POLA1: variants seen among roughly 807,000 people sequenced by gnomAD.
The protein encoded by POLA1 is DNA polymerase alpha 1, catalytic subunit.
Under a neutral mutation model 124.0 loss-of-function variants are expected in POLA1, and 15 were observed. That is an observed-to-expected ratio of 0.12 (90% confidence interval 0.08 to 0.19). The LOEUF (loss-of-function observed/expected upper bound fraction) is 0.19, where lower values mean the gene tolerates loss of function less well. POLA1 is among the 10% of genes least tolerant of loss of function. The probability of loss-of-function intolerance (pLI) is 1.00; values close to 1 mark genes in which losing one functional copy is unlikely to be tolerated. For missense variants in POLA1, 886 were observed against 1,103.4 expected (o/e 0.80, Z 2.79); for synonymous variants, 408 against 389.4 (o/e 1.05, Z -0.56).
chrX:24,729,052 T>C (rs1206165014), intron 15 of POLA1, among the ~76,000 whole-genome samples: 1 of 112,339 alleles, frequency 8.9e-6, no homozygotes, highest in Non-Finnish European at 1.9e-5. Flanking sequence ...AAGCTGCTAT[T>C]AGTTGACAAA....
chrX:24,924,063 C>T (rs1200116595), intron 35 of POLA1, among the ~76,000 whole-genome samples: 1 of 111,940 alleles, frequency 8.9e-6, no homozygotes, highest in Admixed American at 9.5e-5. Flanking sequence ...AAGAGACACT[C>T]ATGTTCAAGA....
chrX:24,803,184 T>C (rs1396129803), intron 26 of POLA1, among the ~76,000 whole-genome samples: 1 of 111,078 alleles, frequency 9.0e-6, no homozygotes, highest in Non-Finnish European at 1.9e-5. Flanking sequence ...GAGAAAACGC[T>C]GTCATCAGTG....
intron 4 of POLA1, among the ~76,000 whole-genome samples, chrX:24,704,796 C>T (rs952612214): frequency 8.9e-6 from 1 of 111,887 alleles, no homozygotes; most frequent in African/African-American, 3.2e-5. Flanking sequence ...TTTTTAATTC[C>T]TACTGAAGTT....
chrX:24,808,250 G>A (rs1378514692), intron 26 of POLA1, among the ~76,000 whole-genome samples: 3 of 111,835 alleles, frequency 2.7e-5, no homozygotes, highest in Non-Finnish European at 5.6e-5. Context: ...CCACCGTGAT[G>A]GTTGCCACTG....
At chrX:24,704,242 C>A (rs749432230) in intron 3 of POLA1, 147 bp from the exon 4 acceptor site, 82 of 478,181 alleles carry the variant, frequency 1.7e-4, no homozygotes, top group Admixed American at 3.5e-4. Context: ...TTGTCTGACA[C>A]CTGTGTGAAC....
At chrX:24,728,710 CAATT>C (rs1395602994) in intron 15 of POLA1, among the ~76,000 whole-genome samples, 1 of 111,924 alleles carries the variant, frequency 8.9e-6, no homozygotes, top group Non-Finnish European at 1.9e-5. Flanking sequence ...GGCAGGCAAT[CAATT>C]GTCTGTGAGC....
intron 26 of POLA1, among the ~76,000 whole-genome samples, chrX:24,772,693 C>G (rs917297796): frequency 9.0e-6 from 1 of 111,436 alleles, no homozygotes; most frequent in Non-Finnish European, 1.9e-5. Flanking sequence ...GCCTCCAGCT[C>G]CATCCATGTT....
At chrX:24,837,784 C>T (rs2046361795) in intron 32 of POLA1, among the ~76,000 whole-genome samples, 1 of 111,711 alleles carries the variant, frequency 9.0e-6, no homozygotes, top group Admixed American at 9.5e-5. Flanking sequence ...ATATTACAAA[C>T]AACTGCTTGT....
chrX:24,701,017 G>A (rs1928378496), intron 2 of POLA1, among the ~76,000 whole-genome samples: 1 of 111,364 alleles, frequency 9.0e-6, no homozygotes, highest in African/African-American at 3.3e-5. Flanking sequence ...ATAGTTTTCT[G>A]GTATCTCCTT....
intron 35 of POLA1, among the ~76,000 whole-genome samples, chrX:24,929,331 G>A (rs1485778374): frequency 8.9e-6 from 1 of 112,536 alleles, no homozygotes; most frequent in Non-Finnish European, 1.9e-5. Flanking sequence ...TTGTACAAAT[G>A]ACTTGGCTGT....
At chrX:24,905,445 G>A (rs1030854255) in intron 35 of POLA1, among the ~76,000 whole-genome samples, 2 of 104,290 alleles carry the variant, frequency 1.9e-5, no homozygotes, top group Non-Finnish European at 3.9e-5. Context: ...GGGAGGAGAC[G>A]GAACACGAAC....
intron 26 of POLA1, among the ~76,000 whole-genome samples, chrX:24,754,323 T>G (rs1669283288): frequency 1.8e-5 from 2 of 109,525 alleles, no homozygotes; most frequent in South Asian, 8.2e-4. Flanking sequence ...AATGGCGTGA[T>G]CTCGGCTCAC....
chrX:24,995,091 A>G (rs1007215762), intron 36 of POLA1, among the ~76,000 whole-genome samples: 6 of 110,992 alleles, frequency 5.4e-5, no homozygotes, highest in Non-Finnish European at 9.5e-5. Context: ...AACAACATGT[A>G]GAAGTAGCAG....
intron 10 of POLA1, among the ~76,000 whole-genome samples, chrX:24,722,190 A>G (rs765508882): frequency 2.7e-5 from 3 of 112,253 alleles, no homozygotes; most frequent in Admixed American, 9.4e-5. Context: ...AGTGTCTCAG[A>G]TAAGTGGCTG....
intron 4 of POLA1, among the ~76,000 whole-genome samples, 177 bp from the exon 5 acceptor site, chrX:24,714,377 C>T (rs1351359339): frequency 8.9e-6 from 1 of 112,175 alleles, no homozygotes; most frequent in African/African-American, 3.2e-5. Flanking sequence ...AGGATGGTCT[C>T]GATCTCCTGA....
At chrX:24,732,333 G>A (rs1365773973) in intron 15 of POLA1, 37 bp from the exon 16 acceptor site, 5 of 824,371 alleles carry the variant, frequency 6.1e-6, no homozygotes, top group South Asian at 4.1e-5. Flanking sequence ...GTATAGTAGC[G>A]GTCTGGTAAG....
intron 28 of POLA1, among the ~76,000 whole-genome samples, chrX:24,812,350 A>G (rs922072308): frequency 2.7e-5 from 3 of 112,319 alleles, no homozygotes; most frequent in Non-Finnish European, 5.6e-5. Context: ...TTTACATTCA[A>G]CAAGGACTGT....
At chrX:24,862,370 A>G (rs2046728614) in intron 34 of POLA1, among the ~76,000 whole-genome samples, 1 of 111,710 alleles carries the variant, frequency 9.0e-6, no homozygotes, top group Non-Finnish European at 1.9e-5. Flanking sequence ...AACGTGGGGA[A>G]AAAGCATTTT....
intron 35 of POLA1, among the ~76,000 whole-genome samples, chrX:24,890,297 A>G (rs1601840673): frequency 9.0e-6 from 1 of 110,734 alleles, no homozygotes; most frequent in East Asian, 2.8e-4. Context: ...CATGTTGGCC[A>G]GACTGGTCTT....
Sources: allele counts gnomAD v4.1 joint callset (sites outside exome capture counted in the v4.1 genomes callset), GRCh38; gene constraint gnomAD v4.1.1; transcripts MANE v1.5; gene names NCBI Gene and HGNC (gene_info 2026-07-23, HGNC 2026-07-21).